PCDH15: variants seen among roughly 807,000 people sequenced by gnomAD.
PCDH15 encodes protocadherin related 15, also known as protocadherin-15.
Under a neutral mutation model 178.5 loss-of-function variants are expected in PCDH15, and 129 were observed. The observed-to-expected ratio is 0.72, with a 90% CI of 0.63 to 0.84. PCDH15 has a LOEUF of 0.84. Among genes scored for constraint, PCDH15 ranks in the 40% least tolerant of loss-of-function variants. The pLI, the probability that PCDH15 is intolerant of heterozygous loss-of-function variation, is 0.00. For synonymous variants in PCDH15, 800 were observed against 732.0 expected, an observed-to-expected ratio of 1.09 and a Z score of -1.50; for missense variants, 2,230 against 2,099.9, an observed-to-expected ratio of 1.06 and a Z score of -1.21.
At chr10:54,518,654 C>A (rs2082489535) in intron 3 of PCDH15, among the ~76,000 whole-genome samples, 1 of 152,164 alleles carries the variant, frequency 6.6e-6, no homozygotes, top group Non-Finnish European at 1.5e-5. Flanking sequence ...TGGTACCATT[C>A]CTTCTGAAAT....
intron 26 of PCDH15, among the ~76,000 whole-genome samples, chr10:53,888,282 C>CTATATATATGTATATATA (rs201647527): frequency 1.0e-5 from 1 of 95,426 alleles, no homozygotes; most frequent in Non-Finnish European, 1.8e-5. Context: ...CATTCCAACA[C>CTATATATATGTATATATA]TATATATACA....
chr10:55,054,434 G>A (rs909614619), intron 2 of PCDH15, among the ~76,000 whole-genome samples: 1 of 152,034 alleles, frequency 6.6e-6, no homozygotes, highest in Non-Finnish European at 1.5e-5. Context: ...CTGTTGATGG[G>A]CATTTAGTTT....
intron 2 of PCDH15, among the ~76,000 whole-genome samples, chr10:54,902,633 T>C (rs781377209): frequency 2.0e-5 from 3 of 152,204 alleles, no homozygotes; most frequent in Non-Finnish European, 2.9e-5. Context: ...TAGTTCTTTA[T>C]AGCAGTGTGC....
intron 17 of PCDH15, among the ~76,000 whole-genome samples, chr10:54,072,950 A>C (rs183829737): frequency 7.7e-4 from 118 of 152,302 alleles, no homozygotes; most frequent in Non-Finnish European, 1.4e-3. Flanking sequence ...TAAACAGATA[A>C]TGCTGAAATA....
intron 2 of PCDH15, among the ~76,000 whole-genome samples, chr10:55,041,027 T>C (rs1012265354): frequency 1.3e-5 from 2 of 152,112 alleles, no homozygotes; most frequent in African/African-American, 4.8e-5. Context: ...AAATATTTTC[T>C]CATACTATTA....
At chr10:54,501,400 A>T (rs2080676112) in intron 3 of PCDH15, among the ~76,000 whole-genome samples, 1 of 152,122 alleles carries the variant, frequency 6.6e-6, no homozygotes, top group Admixed American at 6.6e-5. Flanking sequence ...ATTTGGCATA[A>T]ACAGTCTGCA....
chr10:55,153,169 T>C (rs1187598444), intron 2 of PCDH15, among the ~76,000 whole-genome samples: 1 of 152,154 alleles, frequency 6.6e-6, no homozygotes, highest in African/African-American at 2.4e-5. Flanking sequence ...ATGACTTCCA[T>C]AAGTGAAATG....
At chr10:53,841,576 T>C (rs1028091202) in intron 28 of PCDH15, among the ~76,000 whole-genome samples, 1 of 152,212 alleles carries the variant, frequency 6.6e-6, no homozygotes, top group African/African-American at 2.4e-5. Flanking sequence ...GCTCTACCAG[T>C]GCATGCCAGG....
At chr10:54,826,156 T>C (rs1953129182) in intron 3 of PCDH15, among the ~76,000 whole-genome samples, 1 of 152,170 alleles carries the variant, frequency 6.6e-6, no homozygotes, top group Non-Finnish European at 1.5e-5. Flanking sequence ...AGATACCTTG[T>C]CTTTTTTATA....
intron 1 of PCDH15, among the ~76,000 whole-genome samples, chr10:55,183,897 T>TA (rs1466513203): frequency 6.6e-6 from 1 of 151,950 alleles, no homozygotes; most frequent in East Asian, 1.9e-4. Flanking sequence ...TAATTACATT[T>TA]AAAAAGGTTA....
intron 2 of PCDH15, among the ~76,000 whole-genome samples, chr10:55,005,220 A>AATAATAATAATAATAATC (rs1361199539): frequency 7.4e-6 from 1 of 134,444 alleles, no homozygotes; most frequent in African/African-American, 2.5e-5. Flanking sequence ...TAATAATAAT[A>AATAATAATAATAATAATC]ATAATAATCA....
At chr10:54,612,217 T>G (rs1325193899) in intron 2 of PCDH15, among the ~76,000 whole-genome samples, 1 of 151,906 alleles carries the variant, frequency 6.6e-6, no homozygotes. Context: ...AATTCTCAGC[T>G]TAACAAAACC....
intron 3 of PCDH15, among the ~76,000 whole-genome samples, chr10:54,495,275 G>GTATGTA (rs1211276348): frequency 5.4e-4 from 82 of 152,090 alleles, no homozygotes; most frequent in Admixed American, 7.2e-4. Context: ...TATATATAAT[G>GTATGTA]TATATGAAGC....
chr10:55,282,984 G>A (rs1842770197), intron 1 of PCDH15, among the ~76,000 whole-genome samples: 1 of 152,084 alleles, frequency 6.6e-6, no homozygotes, highest in Non-Finnish European at 1.5e-5. Flanking sequence ...GAAAATAACA[G>A]TATTTTCCCA....
intron 21 of PCDH15, among the ~76,000 whole-genome samples, chr10:53,981,355 G>C (rs1053763546): frequency 6.6e-6 from 1 of 152,124 alleles, no homozygotes; most frequent in African/African-American, 2.4e-5. Context: ...CTGTATGAAG[G>C]ATGTTTCAAA....
intron 16 of PCDH15, among the ~76,000 whole-genome samples, chr10:54,084,542 G>A (rs2094488284): frequency 6.6e-6 from 1 of 152,090 alleles, no homozygotes; most frequent in African/African-American, 2.4e-5. Flanking sequence ...GCTGAGGTGG[G>A]AGGATCACGT....
At chr10:54,661,861 G>A (rs2094497981) in intron 2 of PCDH15, among the ~76,000 whole-genome samples, 1 of 151,840 alleles carries the variant, frequency 6.6e-6, no homozygotes. Context: ...AAATGCAGAA[G>A]AAAGAAACTT....
At chr10:54,553,992 G>T (rs559578688) in intron 2 of PCDH15, among the ~76,000 whole-genome samples, 26 of 152,068 alleles carry the variant, frequency 1.7e-4, no homozygotes, top group African/African-American at 6.3e-4. Context: ...CTTTCAAAAA[G>T]GCATAATTTC....
At chr10:55,384,156 G>T (rs1241993283) in intron 2 of PCDH15, among the ~76,000 whole-genome samples, 1 of 152,056 alleles carries the variant, frequency 6.6e-6, no homozygotes, top group Non-Finnish European at 1.5e-5. Context: ...TTGTTAATCT[G>T]TTTACCAATT....
Sources: allele counts gnomAD v4.1 joint callset (sites outside exome capture counted in the v4.1 genomes callset), GRCh38; gene constraint gnomAD v4.1.1; transcripts MANE v1.5; gene names NCBI Gene and HGNC (gene_info 2026-07-23, HGNC 2026-07-21).